The following CAPN5 variants were observed in gnomAD, a reference collection of about 807,000 sequenced individuals.
CAPN5 encodes calpain 5, also known as calpain-5.
CAPN5 carries 54 observed loss-of-function variants against 73.0 expected under a neutral mutation model. The ratio of observed to expected loss-of-function variants is 0.74; its 90% CI spans 0.59 to 0.93. The LOEUF (loss-of-function observed/expected upper bound fraction) is 0.93, where lower values mean the gene tolerates loss of function less well. CAPN5 is among the 40% of genes least tolerant of loss of function. The pLI is 0.00. For synonymous variants in CAPN5, 335 were observed against 356.9 expected (o/e 0.94, Z 0.69); for missense variants, 785 against 882.9 (o/e 0.89, Z 1.41).
chr11:77,068,729 G>T (rs1426013113), intron 1 of CAPN5, among the ~76,000 whole-genome samples: 1 of 152,158 alleles, frequency 6.6e-6, no homozygotes, highest in African/African-American at 2.4e-5. Flanking sequence ...AGGCTTGGCA[G>T]GGGAGGAGGG....
In CAPN5 at chr11:77,123,979, C is replaced by A; in HGVS notation, c.*109C>A. ...ATACTGGGGTCCTTTTCCCACTCTT[C>A]CACTGACTTGCTGTGTGACCTTAGG... On this transcript the variant is annotated 3_prime_UTR_variant, in exon 13 of 13. Transcript: ENST00000648180. 9.6e-7 allele frequency: 1 copy of A among 1,036,946 alleles called. No individual in the cohort carries two copies. Among genetic ancestry groups the A allele is most frequent in the Non-Finnish European group, 1.4e-6 (1 of 707,672 alleles). The allele number at this position is 1,036,946 out of a possible 1,614,324, so 64.2% of individuals were successfully genotyped here. A position where few individuals can be genotyped will look rare whatever the true frequency, so the allele number is the denominator to read the frequency against.
intron 3 of CAPN5, among the ~76,000 whole-genome samples, chr11:77,106,145 AC>A (rs1950345078): frequency 6.6e-6 from 1 of 151,958 alleles, no homozygotes; most frequent in Admixed American, 6.6e-5. Flanking sequence ...ATCCAACCCC[AC>A]CACTCTCCTG....
At chr11:77,102,235 G>A (rs1555038993) in intron 3 of CAPN5, among the ~76,000 whole-genome samples, 2 of 152,224 alleles carry the variant, frequency 1.3e-5, no homozygotes, top group Non-Finnish European at 2.9e-5. Context: ...CAATGGGACT[G>A]GAGGGGAAGG....
At chr11:77,107,838 G>T (rs1328427797) in intron 3 of CAPN5, among the ~76,000 whole-genome samples, 1 of 152,184 alleles carries the variant, frequency 6.6e-6, no homozygotes, top group Admixed American at 6.5e-5. Context: ...TGGGAAGGAG[G>T]TTGACCAGGT....
chr11:77,100,250 C>G (rs924412138), intron 3 of CAPN5, among the ~76,000 whole-genome samples: 2 of 152,188 alleles, frequency 1.3e-5, no homozygotes, highest in Non-Finnish European at 2.9e-5. Flanking sequence ...CCAAGGTGTC[C>G]GATGGCTGAG....
intron 1 of CAPN5, among the ~76,000 whole-genome samples, chr11:77,082,368 C>T (rs921219064): frequency 7.2e-5 from 11 of 152,320 alleles, no homozygotes; most frequent in Admixed American, 2.0e-4. Context: ...GGAAGTGCTA[C>T]GGGCCTAAGC....
chr11:77,085,152 G>A (rs1416619687), intron 2 of CAPN5, 101 bp downstream of exon 2: 7 of 990,822 alleles, frequency 7.1e-6, no homozygotes, highest in Non-Finnish European at 1.1e-5. Flanking sequence ...GGCATCCCTG[G>A]CCCCAGGCTG....
At chr11:77,120,960 T>C in intron 10 of CAPN5, 51 bp downstream of exon 10, 1 of 1,542,688 alleles carries the variant, frequency 6.5e-7, no homozygotes, top group Non-Finnish European at 8.9e-7. Flanking sequence ...ACATTCACAC[T>C]GGGCCAACCA....
At chr11:77,071,579 C>A in intron 1 of CAPN5, 1 of 446,384 alleles carries the variant, frequency 2.2e-6, no homozygotes, top group Non-Finnish European at 4.6e-6. Flanking sequence ...CAGGCTGGGC[C>A]AGTAGAGCAG....
chr11:77,122,744 G>T, intron 12 of CAPN5, 32 bp downstream of exon 12: 1 of 1,611,192 alleles, frequency 6.2e-7, no homozygotes, highest in Non-Finnish European at 8.5e-7. Context: ...CCACCTCCTG[G>T]GCTCCTAGCC....
At chr11:77,098,869 C>T (rs200443000) in intron 3 of CAPN5, among the ~76,000 whole-genome samples, 16,766 of 126,126 alleles carry the variant, frequency 0.13, 88 homozygotes, top group African/African-American at 0.26. Context: ...GGCTGCTGGG[C>T]GGAGACGCTC....
At chr11:77,114,583 A>T in intron 5 of CAPN5, 149 bp downstream of exon 5, 2 of 740,196 alleles carry the variant, frequency 2.7e-6, no homozygotes, top group Non-Finnish European at 2.3e-6. Context: ...GGAAGGTGCA[A>T]CCCCCTGCCC....
rs1565259840 is a variant in CAPN5 at position 77,085,009 on chromosome 11, T to TA, written c.125dup (p.Thr44HisfsTer95). 2 of 1,613,672 alleles carry TA rather than the reference T, an allele frequency of 1.2e-6. No individual in the cohort carries two copies. Among genetic ancestry groups the TA allele is most frequent in the Admixed American group, 3.3e-5 (2 of 60,028 alleles). ...CCGCCACTGACGACTCACTCTACTA[T>TA]AAGGGCACGCCGGGGCCCGCCGTCA... On this transcript the variant is annotated frameshift_variant, in exon 2 of 13. Coordinates refer to ENST00000648180, the MANE Select transcript of CAPN5 (RefSeq NM_004055.5). LOFTEE classifies it high-confidence loss of function.
At chr11:77,082,440 C>T (rs1379395804) in intron 1 of CAPN5, among the ~76,000 whole-genome samples, 3 of 152,240 alleles carry the variant, frequency 2.0e-5, no homozygotes, top group Non-Finnish European at 4.4e-5. Context: ...CTATCCGTGG[C>T]CTTCAGTGCT....
At chr11:77,104,353 G>A (rs978298814) in intron 3 of CAPN5, among the ~76,000 whole-genome samples, 2 of 152,228 alleles carry the variant, frequency 1.3e-5, no homozygotes, top group Non-Finnish European at 2.9e-5. Context: ...GAAGGCAAGT[G>A]CTTCGTCCTG....
At chr11:77,121,339 C>T (rs1950518592) in intron 10 of CAPN5, among the ~76,000 whole-genome samples, 1 of 152,240 alleles carries the variant, frequency 6.6e-6, no homozygotes, top group Non-Finnish European at 1.5e-5. Flanking sequence ...ATGGGGGTGG[C>T]TCTGGGCTCC....
intron 2 of CAPN5, among the ~76,000 whole-genome samples, chr11:77,087,461 G>C (rs1950100464): frequency 6.6e-6 from 1 of 152,122 alleles, no homozygotes; most frequent in South Asian, 2.1e-4. Context: ...TCTCTGAGTT[G>C]GTCCTTATAG....
intron 1 of CAPN5, among the ~76,000 whole-genome samples, chr11:77,076,496 T>G (rs1949969930): frequency 6.6e-6 from 1 of 152,232 alleles, no homozygotes; most frequent in African/African-American, 2.4e-5. Context: ...GTCCTTTGAC[T>G]GACATCTCTG....
chr11:77,109,671 C>T (rs2079066408), intron 3 of CAPN5, among the ~76,000 whole-genome samples: 1 of 152,218 alleles, frequency 6.6e-6, no homozygotes, highest in Admixed American at 6.5e-5. Context: ...AGTCTCCCTC[C>T]TGCTCAGCAT....
Sources: allele counts gnomAD v4.1 joint callset (sites outside exome capture counted in the v4.1 genomes callset), GRCh38; gene constraint gnomAD v4.1.1; transcripts MANE v1.5; gene names NCBI Gene and HGNC (gene_info 2026-07-23, HGNC 2026-07-21).